MAGI2: variants seen among roughly 807,000 people sequenced by gnomAD.
MAGI2 encodes membrane-associated guanylate kinase, WW and PDZ domain-containing protein 2.
A neutral mutation model predicts 133.3 loss-of-function variants in MAGI2; 35 were observed. That is an observed-to-expected ratio of 0.26 (90% CI 0.20 to 0.35). The LOEUF (loss-of-function observed/expected upper bound fraction) is 0.35, where lower values mean the gene tolerates loss of function less well. Ranked by LOEUF, MAGI2 falls within the 10% of genes least tolerant of loss-of-function variation. MAGI2 has a pLI of 1.00. For synonymous variants in MAGI2, 729 were observed against 710.6 expected (o/e 1.03, Z -0.41); for missense variants, 1,636 against 1,863.4 (o/e 0.88, Z 2.25).
At chr7:78,520,606 C>A (rs1250871807) in intron 4 of MAGI2, among the ~76,000 whole-genome samples, 1 of 151,854 alleles carries the variant, frequency 6.6e-6, no homozygotes, top group African/African-American at 2.4e-5. Flanking sequence ...AATTTTGGAA[C>A]CTTACTCCAA....
intron 2 of MAGI2, among the ~76,000 whole-genome samples, chr7:78,964,747 G>C (rs567485800): frequency 6.6e-6 from 1 of 152,134 alleles, no homozygotes; most frequent in African/African-American, 2.4e-5. Context: ...TATACAAGGA[G>C]TAGTTACCAG....
intron 21 of MAGI2, among the ~76,000 whole-genome samples, chr7:78,045,045 T>C (rs1275612946): frequency 2.6e-5 from 4 of 152,156 alleles, no homozygotes; most frequent in African/African-American, 7.2e-5. Context: ...CACATGCCTG[T>C]AGTCCCAGCT....
rs779061896 is a variant in MAGI2, at chr7:78,256,519, T to C, written c.1471A>G (p.Lys491Glu). 1 of 1,613,926 alleles carries C rather than the reference T, an allele frequency of 6.2e-7. No homozygotes were observed. The highest frequency in any genetic ancestry group is 1.7e-5 in the Admixed American group (1 of 60,010). ...CCAATAGGAACAGACTGGAAAAGTT[T>C]GACAACATCTGCATGAGTGTGTCCA... ...VLGHTHADVV[K>E]LFQSVPIGQS... Residue 491 changes from lysine (K) to glutamate (E), a missense_variant, in exon 10 of 22, where the codon AAA becomes GAA. Coordinates refer to ENST00000354212, the MANE Select transcript of MAGI2 (RefSeq NM_012301.4).
intron 1 of MAGI2, among the ~76,000 whole-genome samples, chr7:79,299,922 G>A (rs376043790): frequency 1.3e-4 from 20 of 152,072 alleles, no homozygotes; most frequent in African/African-American, 4.3e-4. Flanking sequence ...CTTTCACTAT[G>A]TGAAGTACCT....
intron 21 of MAGI2, among the ~76,000 whole-genome samples, chr7:78,064,350 G>A (rs961088829): frequency 6.6e-6 from 1 of 152,012 alleles, no homozygotes; most frequent in Non-Finnish European, 1.5e-5. Context: ...GTGTGTGTGT[G>A]TGTGTGTATC....
intron 3 of MAGI2, among the ~76,000 whole-genome samples, chr7:78,610,063 G>T (rs1248774565): frequency 6.6e-6 from 1 of 152,070 alleles, no homozygotes; most frequent in Non-Finnish European, 1.5e-5. Context: ...ATGGTGAGTG[G>T]TGCCACTTCC....
chr7:78,502,915 T>G (rs1156686141), intron 4 of MAGI2, among the ~76,000 whole-genome samples: 1 of 152,290 alleles, frequency 6.6e-6, no homozygotes, highest in African/African-American at 2.4e-5. Flanking sequence ...AACACCAGTC[T>G]GTAGATTGAA....
At chr7:79,342,868 T>C (rs1335910723) in intron 1 of MAGI2, among the ~76,000 whole-genome samples, 1 of 152,124 alleles carries the variant, frequency 6.6e-6, no homozygotes, top group Non-Finnish European at 1.5e-5. Context: ...CAACTGATTC[T>C]CCTGCCTCAG....
chr7:78,353,465 G>A (rs528632176), intron 7 of MAGI2, among the ~76,000 whole-genome samples: 2 of 152,280 alleles, frequency 1.3e-5, no homozygotes, highest in African/African-American at 4.8e-5. Flanking sequence ...GAGTTTCCTG[G>A]GATGTGGGGC....
chr7:78,431,711 CATT>C (rs2151432988), intron 6 of MAGI2, among the ~76,000 whole-genome samples: 1 of 152,136 alleles, frequency 6.6e-6, no homozygotes, highest in East Asian at 1.9e-4. Flanking sequence ...TGACCTGAAA[CATT>C]ATGTATCTTA....
At chr7:78,194,183 T>C (rs1390115487) in intron 12 of MAGI2, among the ~76,000 whole-genome samples, 1 of 152,238 alleles carries the variant, frequency 6.6e-6, no homozygotes, top group Admixed American at 6.5e-5. Context: ...CATGTGGAGA[T>C]GACTTGCAAG....
chr7:79,256,148 T>G (rs935519731), intron 1 of MAGI2, among the ~76,000 whole-genome samples: 1 of 152,206 alleles, frequency 6.6e-6, no homozygotes, highest in Non-Finnish European at 1.5e-5. Context: ...AATGCTCCCA[T>G]TTATACTACT....
chr7:79,376,188 A>G (rs10273372), intron 1 of MAGI2, among the ~76,000 whole-genome samples: 4,895 of 152,004 alleles, frequency 0.032, 253 homozygotes, highest in African/African-American at 0.11. Context: ...CACCTGAAGC[A>G]GAATCCTATA....
At chr7:79,244,818 G>A (rs1451075108) in intron 1 of MAGI2, among the ~76,000 whole-genome samples, 1 of 152,136 alleles carries the variant, frequency 6.6e-6, no homozygotes, top group Non-Finnish European at 1.5e-5. Flanking sequence ...CAAAACCCCA[G>A]GCACCACAGC....
At chr7:78,946,482 T>C (rs1801428358) in intron 2 of MAGI2, among the ~76,000 whole-genome samples, 1 of 152,220 alleles carries the variant, frequency 6.6e-6, no homozygotes. Context: ...ATCTGAATTA[T>C]AATATTATGA....
Position 78,352,357 on chromosome 7 carries a change from A to G in MAGI2, c.1104-6314T>C, listed in dbSNP as rs187950433. 5.3e-5 allele frequency among the ~76,000 whole-genome samples: 8 copies of G among 152,350 alleles called. No individual in the cohort carries two copies. In the East Asian group the frequency reaches 1.5e-3, roughly 29 times the overall value. On this transcript the variant is annotated intron_variant, in intron 7 of 21. Transcript: ENST00000354212. Reference sequence around the variant, plus strand: ...TAGATTAAAGCCTAATGTTTTAAATACGTTATTATAAAATATGAGCTTTGA... The same window carrying G: ...TAGATTAAAGCCTAATGTTTTAAATGCGTTATTATAAAATATGAGCTTTGA...
intron 4 of MAGI2, among the ~76,000 whole-genome samples, chr7:78,503,555 TCTCCCCCTCCCCCTCCTCCTCCCCCTC>T (rs1563093207): frequency 1.1e-4 from 5 of 45,494 alleles, no homozygotes; most frequent in Middle Eastern, 0.012. Context: ...ACTCACTCCA[TCTCCCCCTCCCCCTCCTCCTCCCCCTC>T]CTCCTCCTCC....
At chr7:79,296,041 T>A (rs1836902166) in intron 1 of MAGI2, among the ~76,000 whole-genome samples, 1 of 152,186 alleles carries the variant, frequency 6.6e-6, no homozygotes, top group Admixed American at 6.5e-5. Flanking sequence ...GGATTTAACT[T>A]TCCTAATTGT....
At chr7:78,986,545 C>T (rs1170392560) in intron 2 of MAGI2, among the ~76,000 whole-genome samples, 1 of 151,754 alleles carries the variant, frequency 6.6e-6, no homozygotes, top group Non-Finnish European at 1.5e-5. Context: ...TGTACAATGG[C>T]CTTGTTGTAG....
Sources: gnomAD v4.1 joint callset for allele counts (sites outside exome capture counted in the v4.1 genomes callset) on GRCh38, gnomAD v4.1.1 for gene constraint, MANE v1.5 for transcripts, NCBI Gene and HGNC (gene_info 2026-07-23, HGNC 2026-07-21) for gene names.